SUZ12: variants seen among roughly 807,000 people sequenced by gnomAD.
SUZ12 encodes SUZ12 polycomb repressive complex 2 subunit.
In SUZ12, 17 loss-of-function variants were observed where a neutral mutation model predicts 87.3. The observed-to-expected ratio is 0.19, with a 90% confidence interval of 0.13 to 0.29. SUZ12 has a LOEUF of 0.29. Among genes scored for constraint, SUZ12 ranks in the 10% least tolerant of loss-of-function variants. The pLI is 1.00. For missense variants in SUZ12, 526 were observed against 912.2 expected (o/e 0.58, Z 5.45); for synonymous variants, 253 against 312.4 (o/e 0.81, Z 2.01).
At chr17:31,990,120 AATTTTTTTT>A (rs1254235870) in intron 10 of SUZ12, among the ~76,000 whole-genome samples, 2 of 115,498 alleles carry the variant, frequency 1.7e-5, no homozygotes, top group African/African-American at 7.7e-5. Context: ...ATGCCCGGCT[AATTTTTTTT>A]TTTTTTTTTT....
At chr17:31,938,258 A>C (rs964152988) in intron 1 of SUZ12, among the ~76,000 whole-genome samples, 1 of 152,254 alleles carries the variant, frequency 6.6e-6, no homozygotes, top group African/African-American at 2.4e-5. Flanking sequence ...TATTAAAAAC[A>C]TCGTGACTAT....
intron 4 of SUZ12, among the ~76,000 whole-genome samples, chr17:31,960,529 A>G (rs1288270204): frequency 2.6e-5 from 4 of 151,576 alleles, no homozygotes; most frequent in African/African-American, 4.8e-5. Flanking sequence ...CTTTTAGGTG[A>G]GGAAGGGGAA....
chr17:31,963,280 G>A (rs1423582257), intron 4 of SUZ12, among the ~76,000 whole-genome samples: 5 of 152,076 alleles, frequency 3.3e-5, no homozygotes, highest in African/African-American at 1.2e-4. Flanking sequence ...GAGTAGCTGG[G>A]ACTACAGGCG....
At chr17:31,982,849 G>A in intron 8 of SUZ12, 150 bp from the exon 9 acceptor site, 1 of 1,065,466 alleles carries the variant, frequency 9.4e-7, no homozygotes, top group Non-Finnish European at 1.3e-6. Flanking sequence ...CATCAGGACT[G>A]GAGTGTAGCT....
intron 9 of SUZ12, among the ~76,000 whole-genome samples, chr17:31,984,047 A>G (rs55810947): frequency 0.018 from 2,679 of 152,300 alleles, 77 homozygotes; most frequent in African/African-American, 0.06. Flanking sequence ...TCAATCTAGA[A>G]GGATAAGTAT....
rs767585116 is a variant in SUZ12, at chr17:31,993,239, C to T, written c.1202-3C>T. On this transcript the variant is annotated splice_polypyrimidine_tract_variant and splice_region_variant and intron_variant, in intron 10 of 15. Transcript: ENST00000322652. Reference sequence around the variant, plus strand: ...TATTGAATATAAAAGTGTATGTTTTCAGCTGTTAAAGAATCATTGACTACA... The same window carrying T: ...TATTGAATATAAAAGTGTATGTTTTTAGCTGTTAAAGAATCATTGACTACA... 1.9e-6 allele frequency: 3 copies of T among 1,557,250 alleles called. No individual in the cohort carries two copies. Among genetic ancestry groups the T allele is most frequent in the Admixed American group, 2.2e-5 (1 of 44,596 alleles).
intron 5 of SUZ12, among the ~76,000 whole-genome samples, chr17:31,970,776 TG>T (rs1263365834): frequency 6.6e-6 from 1 of 151,490 alleles, no homozygotes; most frequent in African/African-American, 2.4e-5. Flanking sequence ...CACTCTAGCC[TG>T]GGCAACAGAG....
At chr17:31,961,561 A>G (rs2142153015) in intron 4 of SUZ12, among the ~76,000 whole-genome samples, 1 of 152,320 alleles carries the variant, frequency 6.6e-6, no homozygotes, top group East Asian at 1.9e-4. Flanking sequence ...ACAAAACAAA[A>G]AAAGCTGGTT....
chr17:31,941,213 T>C (rs1283947348), intron 3 of SUZ12, among the ~76,000 whole-genome samples: 1 of 151,330 alleles, frequency 6.6e-6, no homozygotes, highest in African/African-American at 2.4e-5. Context: ...GCCATTCTCC[T>C]GCCTCAGCCT....
At chr17:31,956,689 T>TG (rs1397559160) in intron 4 of SUZ12, among the ~76,000 whole-genome samples, 1 of 152,114 alleles carries the variant, frequency 6.6e-6, no homozygotes, top group Non-Finnish European at 1.5e-5. Flanking sequence ...CCTAGTATTG[T>TG]GGTATGTAAA....
chr17:31,942,793 A>G (rs1906385684), intron 3 of SUZ12, among the ~76,000 whole-genome samples: 1 of 152,226 alleles, frequency 6.6e-6, no homozygotes, highest in African/African-American at 2.4e-5. Flanking sequence ...TTAACCATAC[A>G]TAATTATCAA....
At chr17:31,980,880 C>T (rs545453217) in intron 8 of SUZ12, among the ~76,000 whole-genome samples, 7 of 152,116 alleles carry the variant, frequency 4.6e-5, no homozygotes, top group African/African-American at 1.4e-4. Flanking sequence ...TAAAATCTCA[C>T]AGAGGGCTGA....
rs528387739 is a variant in SUZ12 at position 31,999,581 on chromosome 17, A to G, written c.*578A>G. On this transcript the variant is annotated 3_prime_UTR_variant, in exon 16 of 16. Transcript: ENST00000322652. Reference sequence around the variant, plus strand: ...AAATTATAATGTAATTTTACATTACATAAGTTCCTTTTACAATTAAAAAAT... The same window carrying G: ...AAATTATAATGTAATTTTACATTACGTAAGTTCCTTTTACAATTAAAAAAT... 7 of 231,592 alleles carry G rather than the reference A, an allele frequency of 3.0e-5. No individual in the cohort carries two copies. In the South Asian group the frequency reaches 7.2e-4, roughly 24 times the overall value. The allele number at this position is 231,592 out of a possible 1,614,324, so 14.3% of individuals were successfully genotyped here.
chr17:31,983,030 G>A lies in SUZ12; in HGVS notation c.949G>A (p.Val317Ile). 2 of 1,613,380 alleles carry A rather than the reference G, an allele frequency of 1.2e-6. No homozygotes were observed. Among genetic ancestry groups the A allele is most frequent in the Non-Finnish European group, 1.7e-6 (2 of 1,179,674 alleles). The stretch of plus-strand genomic sequence containing the variant: ...ACAGCTTTTAGATGGGGAATATGAA[G>A]TAGCCATGCAGGAAATGGAAGAATG... ...RLQLLDGEYE[V>I]AMQEMEECPI... Residue 317 changes from valine (V) to isoleucine (I), a missense_variant, in exon 9 of 16, where the codon GTA becomes ATA. Around this residue, in one of 9 missense-constraint regions of SUZ12, gnomAD observed 10 missense variants for 50.9 expected, o/e 0.20. Transcript: ENST00000322652.
intron 3 of SUZ12, among the ~76,000 whole-genome samples, chr17:31,946,557 A>G (rs1906650002): frequency 6.6e-6 from 1 of 152,158 alleles, no homozygotes; most frequent in Non-Finnish European, 1.5e-5. Flanking sequence ...ACAAAAACAA[A>G]CAAACACAAA....
chr17:31,989,856 G>T (rs995995134), intron 10 of SUZ12, among the ~76,000 whole-genome samples: 1 of 150,724 alleles, frequency 6.6e-6, no homozygotes, highest in African/African-American at 2.4e-5. Context: ...TGATCCGCCC[G>T]CCTTGGCCTC....
chr17:31,937,045 G>C lies in SUZ12; in HGVS notation c.-202G>C. 4 of 451,184 alleles carry C rather than the reference G, an allele frequency of 8.9e-6. No homozygotes were observed. Among genetic ancestry groups the C allele is most frequent in the Non-Finnish European group, 1.1e-5 (3 of 266,812 alleles). The allele number at this position is 451,184 out of a possible 1,614,324, so 27.9% of individuals were successfully genotyped here. On this transcript the variant is annotated 5_prime_UTR_variant, in exon 1 of 16. Transcript: ENST00000322652. ...GGTAGGGTGAGCGGCCTCCGAAGCGGAGCGGGGCTCTGAGGAGACACTTTT... is the reference window on the plus strand; with the variant it reads ...GGTAGGGTGAGCGGCCTCCGAAGCGCAGCGGGGCTCTGAGGAGACACTTTT...
intron 1 of SUZ12, among the ~76,000 whole-genome samples, chr17:31,938,167 C>G (rs528106649): frequency 2.0e-5 from 3 of 152,326 alleles, no homozygotes; most frequent in East Asian, 1.9e-4. Flanking sequence ...GCGTCAATTT[C>G]TGTTTCTAAG....
intron 4 of SUZ12, among the ~76,000 whole-genome samples, chr17:31,953,951 A>G (rs1907141793): frequency 6.6e-6 from 1 of 150,824 alleles, no homozygotes; most frequent in African/African-American, 2.4e-5. Flanking sequence ...TGACCTTGTG[A>G]TCCACCTGCC....
Sources: allele counts gnomAD v4.1 joint callset (sites outside exome capture counted in the v4.1 genomes callset), GRCh38; gene constraint gnomAD v4.1.1; regional missense constraint gnomAD v4.1.1; transcripts MANE v1.5; gene names NCBI Gene and HGNC (gene_info 2026-07-23, HGNC 2026-07-21).